PRKCE: variants seen among roughly 807,000 people sequenced by gnomAD.
PRKCE encodes the protein protein kinase C epsilon, also known as protein kinase C epsilon type.
In PRKCE, 16 loss-of-function variants were observed where a neutral mutation model predicts 85.4. The ratio of observed to expected loss-of-function variants is 0.19; its 90% CI spans 0.13 to 0.28. PRKCE has a LOEUF of 0.28. PRKCE is among the 10% of genes least tolerant of loss of function. The pLI is 1.00. For synonymous variants in PRKCE, 388 were observed against 371.5 expected (o/e 1.04, Z -0.51); for missense variants, 573 against 975.2 (o/e 0.59, Z 5.49).
Position 46,185,703 on chromosome 2 carries a change from A to G in PRKCE, c.*822A>G, listed in dbSNP as rs574402395. 108 of 152,438 alleles carry G rather than the reference A, an allele frequency of 7.1e-4. No individual in the cohort carries two copies. The highest frequency in any genetic ancestry group is 2.5e-3 in the African/African-American group (102 of 41,594). The allele number at this position is 152,438 out of a possible 1,614,324, so 9.4% of individuals were successfully genotyped here. ...CGGTCGTCCAAGGTGGATGCTGTCA[A>G]TGCCCGAGTGACACATGAGAGCTGT... On this transcript the variant is annotated 3_prime_UTR_variant, in exon 15 of 15. Transcript: ENST00000306156. This position sits in a 1 kb window ranked among gnomAD's most constrained non-coding sequence, Gnocchi z 4.7.
chr2:45,654,822 A>C (rs1477465073), intron 1 of PRKCE, among the ~76,000 whole-genome samples: 1 of 152,166 alleles, frequency 6.6e-6, no homozygotes, highest in Non-Finnish European at 1.5e-5. Flanking sequence ...ACTCATTGGC[A>C]GGGGTGACTG....
chr2:45,672,554 G>A (rs1054462524), intron 1 of PRKCE, among the ~76,000 whole-genome samples: 2 of 152,212 alleles, frequency 1.3e-5, no homozygotes, highest in African/African-American at 4.8e-5. Flanking sequence ...TAGTAAGGGA[G>A]TCTGATTTAT....
chr2:45,806,248 T>A (rs957506362), intron 1 of PRKCE, among the ~76,000 whole-genome samples: 3 of 152,176 alleles, frequency 2.0e-5, no homozygotes, highest in Non-Finnish European at 4.4e-5. Flanking sequence ...CCCATGTGTG[T>A]GAGAAGGCTT....
chr2:46,174,945 C>T (rs1489172460), intron 14 of PRKCE, among the ~76,000 whole-genome samples: 1 of 152,068 alleles, frequency 6.6e-6, no homozygotes, highest in African/African-American at 2.4e-5. Context: ...CCTACCTTGT[C>T]CACCAGAAGT....
intron 6 of PRKCE, among the ~76,000 whole-genome samples, chr2:45,992,581 G>T (rs1211480502): frequency 6.6e-6 from 1 of 152,168 alleles, no homozygotes; most frequent in Non-Finnish European, 1.5e-5. Flanking sequence ...ACTGGAACCT[G>T]TTATGAAATC....
At chr2:45,738,283 C>T (rs1394769222) in intron 1 of PRKCE, among the ~76,000 whole-genome samples, 1 of 152,322 alleles carries the variant, frequency 6.6e-6, no homozygotes, top group African/African-American at 2.4e-5. Flanking sequence ...CAACTAGAGC[C>T]TTTTATGGCA....
intron 2 of PRKCE, among the ~76,000 whole-genome samples, chr2:45,892,997 C>T (rs557141143): frequency 6.6e-6 from 1 of 152,312 alleles, no homozygotes; most frequent in African/African-American, 2.4e-5. Context: ...TGCCCACTTT[C>T]CCATTGCCTC....
intron 1 of PRKCE, among the ~76,000 whole-genome samples, chr2:45,777,821 G>A (rs950483036): frequency 1.3e-5 from 2 of 152,126 alleles, no homozygotes; most frequent in Non-Finnish European, 1.5e-5. Context: ...CTACTGAAAC[G>A]TGACATTTTA....
At chr2:45,765,142 C>T (rs768567821) in intron 1 of PRKCE, among the ~76,000 whole-genome samples, 1 of 152,198 alleles carries the variant, frequency 6.6e-6, no homozygotes, top group African/African-American at 2.4e-5. Flanking sequence ...ACCCTTAATA[C>T]GTTCTTAAGC....
At chr2:46,057,654 G>A (rs1666721776) in intron 10 of PRKCE, among the ~76,000 whole-genome samples, 1 of 152,048 alleles carries the variant, frequency 6.6e-6, no homozygotes, top group Admixed American at 6.6e-5. Flanking sequence ...GGCTGGTCTC[G>A]AACTCCTGAC....
At chr2:46,158,997 GTTT>G (rs766855319) in intron 13 of PRKCE, among the ~76,000 whole-genome samples, 2 of 152,054 alleles carry the variant, frequency 1.3e-5, no homozygotes, top group African/African-American at 4.8e-5. Flanking sequence ...TCTTTTTCTT[GTTT>G]TTTATCTTTT....
chr2:45,738,044 C>T (rs1365177938), intron 1 of PRKCE, among the ~76,000 whole-genome samples: 1 of 152,162 alleles, frequency 6.6e-6, no homozygotes, highest in Non-Finnish European at 1.5e-5. Flanking sequence ...GTCCTCCTCT[C>T]CACAGTCCTG....
intron 11 of PRKCE, among the ~76,000 whole-genome samples, chr2:46,132,705 C>T (rs74899491): frequency 0.08 from 12,156 of 152,260 alleles, 1,044 homozygotes; most frequent in African/African-American, 0.21. Context: ...TATATGCACA[C>T]GTGCGCGCAC....
chr2:46,024,725 G>T (rs1391068563), intron 10 of PRKCE, among the ~76,000 whole-genome samples: 1 of 152,130 alleles, frequency 6.6e-6, no homozygotes, highest in African/African-American at 2.4e-5. Context: ...AATGACTTTT[G>T]TTCTCAGTGT....
chr2:45,661,341 C>T (rs1339549993), intron 1 of PRKCE, among the ~76,000 whole-genome samples: 1 of 151,612 alleles, frequency 6.6e-6, no homozygotes, highest in South Asian at 2.1e-4. Context: ...AGCCACCACA[C>T]CCGACTAATT....
In PRKCE at chr2:46,001,273, T is replaced by TA; in HGVS notation, c.824-131_824-130insA. The TA allele has an allele frequency of 1.6e-5, 7 of 450,090 alleles. No homozygotes were observed. Among genetic ancestry groups the TA allele is most frequent in the African/African-American group, 2.9e-5 (1 of 34,654 alleles). The allele number at this position is 450,090 out of a possible 1,614,324, so 27.9% of individuals were successfully genotyped here. On this transcript the variant is annotated intron_variant, in intron 6 of 14. Coordinates refer to ENST00000306156, the MANE Select transcript of PRKCE (RefSeq NM_005400.3). The surrounding 1 kb of genome is among the most constrained non-coding windows in gnomAD (Gnocchi z 4.4). ...AAGACATATATATATATATATATAT[T>TA]TCTGTATTTTCCAAATTATATCTTA...
rs867047899 is a variant in PRKCE at position 46,145,074 on chromosome 2, G to T, written c.1593-19G>T. ...GGGTGAGTGACGTATTGACATTATG[G>T]TCCTGGCCTATCTTGCAGGGATTTG... is the stretch of plus-strand genomic sequence containing the variant. On this transcript the variant is annotated intron_variant, in intron 11 of 14. Transcript: ENST00000306156. This position sits in a 1 kb window ranked among gnomAD's most constrained non-coding sequence, Gnocchi z 4.6. 2 of 1,599,656 alleles carry T rather than the reference G, an allele frequency of 1.3e-6. No homozygotes were observed. Among genetic ancestry groups the T allele is most frequent in the African/African-American group, 2.7e-5 (2 of 75,036 alleles).
chr2:45,972,170 G>A (rs1702152903), intron 2 of PRKCE, among the ~76,000 whole-genome samples: 1 of 152,120 alleles, frequency 6.6e-6, no homozygotes. Flanking sequence ...GGTATGAAGT[G>A]CCATCTCATT....
chr2:46,104,510 T>C (rs772006628), intron 11 of PRKCE, among the ~76,000 whole-genome samples: 24 of 152,188 alleles, frequency 1.6e-4, no homozygotes, highest in Non-Finnish European at 2.8e-4. Context: ...GCTCTCTCTG[T>C]TGGGGTTCTT....
Sources: gnomAD v4.1 joint callset for allele counts (sites outside exome capture counted in the v4.1 genomes callset) on GRCh38, gnomAD v4.1.1 for gene constraint, Gnocchi (gnomAD v3.1) non-coding constraint, MANE v1.5 for transcripts, NCBI Gene and HGNC (gene_info 2026-07-23, HGNC 2026-07-21) for gene names.